The following ST6GALNAC3 variants were observed in gnomAD, a reference collection of about 807,000 sequenced individuals.
ST6GALNAC3 encodes the protein ST6 N-acetylgalactosaminide alpha-2,6-sialyltransferase 3, also known as alpha-N-acetylgalactosaminide alpha-2,6-sialyltransferase 3.
ST6GALNAC3 carries 25 observed loss-of-function variants against 32.7 expected under a neutral mutation model. The observed-to-expected ratio is 0.76, with a 90% CI of 0.56 to 1.07. The LOEUF (loss-of-function observed/expected upper bound fraction) is 1.07. Ranked by LOEUF, ST6GALNAC3 falls within the 50% of genes least tolerant of loss-of-function variation. ST6GALNAC3 has a pLI of 0.00. For missense variants in ST6GALNAC3, 355 were observed against 382.4 expected, an observed-to-expected ratio of 0.93 and a Z score of 0.60; for synonymous variants, 129 against 133.1, an observed-to-expected ratio of 0.97 and a Z score of 0.21.
intron 2 of ST6GALNAC3, among the ~76,000 whole-genome samples, chr1:76,355,021 A>G (rs1042088399): frequency 3.3e-5 from 5 of 152,216 alleles, no homozygotes; most frequent in African/African-American, 1.2e-4. Flanking sequence ...AGTCCTTAGC[A>G]TCTTATCTGG....
chr1:76,303,393 T>G, intron 1 of ST6GALNAC3, among the ~76,000 whole-genome samples: 1 of 152,024 alleles, frequency 6.6e-6, no homozygotes, highest in East Asian at 1.9e-4. Flanking sequence ...GTTAGGGTTT[T>G]TCTTTCAATT....
chr1:76,480,869 A>T (rs1034106835), intron 3 of ST6GALNAC3, among the ~76,000 whole-genome samples: 7 of 152,102 alleles, frequency 4.6e-5, no homozygotes, highest in African/African-American at 1.7e-4. Context: ...CTCTCCTCTG[A>T]TCCTTTTTTT....
intron 1 of ST6GALNAC3, among the ~76,000 whole-genome samples, chr1:76,079,821 C>T (rs1008986668): frequency 6.6e-6 from 1 of 152,194 alleles, no homozygotes; most frequent in African/African-American, 2.4e-5. Flanking sequence ...CCTTACTCCC[C>T]CTGCCTTGTT....
chr1:76,170,062 G>A (rs1652377822), intron 1 of ST6GALNAC3, among the ~76,000 whole-genome samples: 1 of 152,024 alleles, frequency 6.6e-6, no homozygotes, highest in Non-Finnish European at 1.5e-5. Flanking sequence ...TTTGGTATAA[G>A]GTGGATTCAA....
intron 1 of ST6GALNAC3, among the ~76,000 whole-genome samples, chr1:76,249,543 C>T (rs1029010453): frequency 1.7e-4 from 26 of 151,880 alleles, no homozygotes; most frequent in Non-Finnish European, 3.2e-4. Flanking sequence ...CAGTTATAGC[C>T]GCTTTTAGGA....
At chr1:76,228,851 G>A (rs978945024) in intron 1 of ST6GALNAC3, among the ~76,000 whole-genome samples, 1 of 152,104 alleles carries the variant, frequency 6.6e-6, no homozygotes, top group Non-Finnish European at 1.5e-5. Context: ...CATAAACAAC[G>A]GTTTCTGCCC....
At chr1:76,136,234 G>T (rs2100254078) in intron 1 of ST6GALNAC3, among the ~76,000 whole-genome samples, 1 of 152,344 alleles carries the variant, frequency 6.6e-6, no homozygotes, top group East Asian at 1.9e-4. Flanking sequence ...CAGGAACCTG[G>T]TCAACAGCTG....
chr1:76,289,218 A>T (rs1304592620), intron 1 of ST6GALNAC3, among the ~76,000 whole-genome samples: 2 of 152,108 alleles, frequency 1.3e-5, no homozygotes, highest in Non-Finnish European at 2.9e-5. Context: ...AACTCTATTG[A>T]TCTCTGTCTG....
chr1:76,554,889 G>T (rs770660499), intron 3 of ST6GALNAC3, among the ~76,000 whole-genome samples: 47 of 152,274 alleles, frequency 3.1e-4, no homozygotes, highest in Non-Finnish European at 5.4e-4. Flanking sequence ...TTAAGTAAGT[G>T]TTAACTTATT....
At chr1:76,628,192 C>T (rs973586908) in intron 4 of ST6GALNAC3, among the ~76,000 whole-genome samples, 1 of 151,900 alleles carries the variant, frequency 6.6e-6, no homozygotes, top group African/African-American at 2.4e-5. Flanking sequence ...CTGTTTTAAT[C>T]ATAATGTCAA....
chr1:76,171,650 A>G (rs1323613886), intron 1 of ST6GALNAC3, among the ~76,000 whole-genome samples: 3 of 152,136 alleles, frequency 2.0e-5, no homozygotes, highest in African/African-American at 4.8e-5. Context: ...ATCAGAGAAT[A>G]CTATAAACAA....
At chr1:76,398,691 A>G (rs1571096765) in intron 2 of ST6GALNAC3, among the ~76,000 whole-genome samples, 1 of 152,188 alleles carries the variant, frequency 6.6e-6, no homozygotes, top group Non-Finnish European at 1.5e-5. Context: ...GTTTGTGTAC[A>G]TGAAAATTGG....
intron 2 of ST6GALNAC3, among the ~76,000 whole-genome samples, chr1:76,329,146 C>T (rs73002501): frequency 0.038 from 5,747 of 152,190 alleles, 116 homozygotes; most frequent in African/African-American, 0.06. Flanking sequence ...TTTATGCAGA[C>T]AAAAACACAG....
At chr1:76,128,101 C>A (rs2631781) in intron 1 of ST6GALNAC3, among the ~76,000 whole-genome samples, 1 of 152,114 alleles carries the variant, frequency 6.6e-6, no homozygotes, top group East Asian at 1.9e-4. Context: ...CCACCAATCA[C>A]GAGAAGTCGG....
At chr1:76,282,902 G>C (rs2100792043) in intron 1 of ST6GALNAC3, among the ~76,000 whole-genome samples, 1 of 152,026 alleles carries the variant, frequency 6.6e-6, no homozygotes, top group Non-Finnish European at 1.5e-5. Flanking sequence ...AGTTGGGCCT[G>C]GTGGCACACA....
rs558154386 is a variant in ST6GALNAC3 at position 76,470,202 on chromosome 1, G to T, written c.623+57785G>T. Reference sequence around the variant, plus strand: ...TTTCTAAAATCTAGGTTCGGCAACAGAATAATCAAAGGATTTATTGCTTTG... The same window carrying T: ...TTTCTAAAATCTAGGTTCGGCAACATAATAATCAAAGGATTTATTGCTTTG... On this transcript the variant is annotated intron_variant, in intron 3 of 4. Transcript: ENST00000328299. 3.3e-5 allele frequency among the ~76,000 whole-genome samples: 5 copies of T among 152,090 alleles called. No individual in the cohort carries two copies. In the South Asian group the frequency reaches 1.0e-3, roughly 32 times the overall value.
intron 3 of ST6GALNAC3, among the ~76,000 whole-genome samples, chr1:76,542,825 G>A (rs544284139): frequency 2.0e-5 from 3 of 152,156 alleles, no homozygotes; most frequent in Admixed American, 6.6e-5. Flanking sequence ...TGTTAATGAA[G>A]TGACACAATC....
At position 76,112,446 on chromosome 1, in the gene ST6GALNAC3, G is replaced by A. The variant is rs531045071; in HGVS notation, c.18+37562G>A. Among the ~76,000 whole-genome samples the A allele has an allele frequency of 6.5e-3, 930 of 143,180 alleles. 12 individuals are homozygous for A. Among genetic ancestry groups the A allele is most frequent in the African/African-American group, 0.023 (860 of 36,840 alleles). 93.9% of individuals were successfully genotyped at this position (143,180 alleles called of 152,430 possible). ...TAACCCCCCGACCTCCCTTCCGGAC[G>A]GGGCGGCTGGCCGGGCGGGGGGCTA... On this transcript the variant is annotated intron_variant, in intron 1 of 4. Coordinates refer to ENST00000328299, the MANE Select transcript of ST6GALNAC3 (RefSeq NM_152996.4).
intron 2 of ST6GALNAC3, among the ~76,000 whole-genome samples, chr1:76,336,840 A>G (rs776532013): frequency 1.3e-5 from 2 of 152,200 alleles, no homozygotes; most frequent in Non-Finnish European, 2.9e-5. Flanking sequence ...CGGGAATCAC[A>G]TCTGAATCTA....
Sources: gnomAD v4.1 joint callset for allele counts (sites outside exome capture counted in the v4.1 genomes callset) on GRCh38, gnomAD v4.1.1 for gene constraint, MANE v1.5 for transcripts, NCBI Gene and HGNC (gene_info 2026-07-23, HGNC 2026-07-21) for gene names.